The following ATRX variants were observed in gnomAD, a reference collection of about 807,000 sequenced individuals.
ATRX encodes the protein chromatin remodeler ATRX.
A neutral mutation model predicts 172.6 loss-of-function variants in ATRX; 12 were observed. That is an observed-to-expected ratio of 0.07 (90% confidence interval 0.04 to 0.11). The LOEUF (loss-of-function observed/expected upper bound fraction) is 0.11, where lower values mean the gene tolerates loss of function less well. ATRX is among the 10% of genes least tolerant of loss of function. ATRX has a pLI of 1.00. For missense variants in ATRX, 1,368 were observed against 1,767.4 expected, an observed-to-expected ratio of 0.77 and a Z score of 4.05; for synonymous variants, 674 against 594.7, an observed-to-expected ratio of 1.13 and a Z score of -1.94.
chrX:77,584,541 A>T (rs1323326444), intron 27 of ATRX, among the ~76,000 whole-genome samples: 1 of 111,645 alleles, frequency 9.0e-6, no homozygotes, highest in Non-Finnish European at 1.9e-5. Flanking sequence ...AGTTGCCATG[A>T]ATATACCCTG....
intron 30 of ATRX, among the ~76,000 whole-genome samples, chrX:77,536,739 A>AT (rs1401271344): frequency 1.8e-5 from 2 of 112,196 alleles, no homozygotes; most frequent in Non-Finnish European, 3.8e-5. Context: ...GTAAACACCA[A>AT]TATAATCTCT....
intron 19 of ATRX, among the ~76,000 whole-genome samples, chrX:77,631,687 C>T (rs782813733): frequency 1.7e-4 from 19 of 112,000 alleles, no homozygotes; most frequent in Admixed American, 7.6e-4. Flanking sequence ...TCTACCTGGA[C>T]GGTCCTCCTT....
chrX:77,658,420 C>T (rs1315600609), intron 12 of ATRX, among the ~76,000 whole-genome samples: 1 of 111,979 alleles, frequency 8.9e-6, no homozygotes, highest in Non-Finnish European at 1.9e-5. Flanking sequence ...GAGGAATTGT[C>T]ACAGGCTGAA....
intron 30 of ATRX, among the ~76,000 whole-genome samples, chrX:77,550,459 C>A (rs782436364): frequency 2.7e-5 from 3 of 111,299 alleles, no homozygotes; most frequent in East Asian, 2.8e-4. Context: ...ATTGATGGGA[C>A]GTATCTCAAA....
chrX:77,593,707 A>G lies in ATRX; in HGVS notation c.6099T>C (p.Ile2033=). Residue 2033 remains isoleucine, a synonymous_variant, in exon 26 of 35, where the codon ATT becomes ATC. Coordinates refer to ENST00000373344, the MANE Select transcript of ATRX (RefSeq NM_000489.6). The part of the protein sequence containing the change: ...LFEILRMAEE[I]GDKVLVFSQS... ...GGTAAAGCACTTACACTTTATCCCC[A>G]ATTTCCTCTGCCATTCGAAGAATTT... 8.3e-7 allele frequency: 1 copy of G among 1,210,710 alleles called. No homozygotes were observed. Among genetic ancestry groups the G allele is most frequent in the Admixed American group, 2.2e-5 (1 of 46,012 alleles).
chrX:77,646,762 C>T (rs2068938261), intron 15 of ATRX, among the ~76,000 whole-genome samples: 2 of 109,188 alleles, frequency 1.8e-5, no homozygotes, highest in Admixed American at 2.0e-4. Context: ...CTCTGTAAAA[C>T]AGTTTAAAAA....
intron 1 of ATRX, among the ~76,000 whole-genome samples, chrX:77,725,243 A>C (rs1481245031): frequency 1.8e-5 from 2 of 112,111 alleles, no homozygotes; most frequent in Non-Finnish European, 3.8e-5. Flanking sequence ...TACAGTAACC[A>C]AAACAGCATG....
chrX:77,528,299 G>A (rs1468482449), intron 30 of ATRX, among the ~76,000 whole-genome samples: 2 of 112,023 alleles, frequency 1.8e-5, no homozygotes, highest in Admixed American at 9.4e-5. Context: ...CTGTGCTTCC[G>A]TTAAATCAGC....
At chrX:77,589,439 C>T (rs782504074) in intron 27 of ATRX, among the ~76,000 whole-genome samples, 101 of 111,667 alleles carry the variant, frequency 9.0e-4, no homozygotes, top group Non-Finnish European at 1.6e-3. Flanking sequence ...AATAAAACTG[C>T]TTTAGAAACC....
Position 77,506,669 on chromosome X carries a change from G to A in ATRX, c.*1682C>T, listed in dbSNP as rs1557033215. On this transcript the variant is annotated 3_prime_UTR_variant, in exon 35 of 35. Transcript: ENST00000373344. ...GCTAGCATAATATCTAAATATACAGGATTTATTAGTGATATTTCATCATGG... is the reference window on the plus strand; with the variant it reads ...GCTAGCATAATATCTAAATATACAGAATTTATTAGTGATATTTCATCATGG... 1.7e-5 allele frequency: 3 copies of A among 172,890 alleles called. No homozygotes were observed. The highest frequency in any genetic ancestry group is 3.0e-5 in the African/African-American group (1 of 33,599). 14.2% of individuals were successfully genotyped at this position (172,890 alleles called of 1,213,427 possible). A position where few individuals can be genotyped will look rare whatever the true frequency, so the allele number is the denominator to read the frequency against.
chrX:77,516,043 A>G (rs1557038958), intron 34 of ATRX, among the ~76,000 whole-genome samples: 1 of 111,529 alleles, frequency 9.0e-6, no homozygotes, highest in Non-Finnish European at 1.9e-5. Context: ...ATGAACACAT[A>G]GAGGGCAATA....
intron 30 of ATRX, among the ~76,000 whole-genome samples, chrX:77,535,899 GT>G (rs76403382): frequency 2.1e-3 from 200 of 95,654 alleles, no homozygotes; most frequent in African/African-American, 4.6e-3. Flanking sequence ...ATTTTTTTGT[GT>G]TTTTTTTTTT....
chrX:77,656,404 T>C (rs1038937389), intron 13 of ATRX, among the ~76,000 whole-genome samples, 156 bp downstream of exon 13: 2 of 112,115 alleles, frequency 1.8e-5, no homozygotes, highest in Non-Finnish European at 3.8e-5. Flanking sequence ...TATGCTTAGA[T>C]TCTTTTTAAA....
chrX:77,590,086 T>C lies in ATRX; in HGVS notation c.6111-146A>G, dbSNP rs45503998. The stretch of plus-strand genomic sequence containing the variant: ...GAAATTACAAGGTGATTGTAAAATG[T>C]ATATGAGAATGCCACCTCAGAGGAG... On this transcript the variant is annotated intron_variant, in intron 26 of 34. Coordinates refer to ENST00000373344, the MANE Select transcript of ATRX (RefSeq NM_000489.6). 5.1e-3 allele frequency: 2,625 copies of C among 510,109 alleles called. 50 individuals carry two copies. The African/African-American group carries it at 0.056, about 11-fold the overall frequency. 42.0% of individuals were successfully genotyped at this position (510,109 alleles called of 1,213,427 possible).
At chrX:77,560,581 TTTC>T (rs1382055943) in intron 28 of ATRX, among the ~76,000 whole-genome samples, 1 of 111,391 alleles carries the variant, frequency 9.0e-6, no homozygotes, top group African/African-American at 3.3e-5. Context: ...ACAAAATGTT[TTTC>T]TTTTCTTTCA....
At chrX:77,583,914 C>T (rs2065918223) in intron 27 of ATRX, among the ~76,000 whole-genome samples, 1 of 111,958 alleles carries the variant, frequency 8.9e-6, no homozygotes, top group African/African-American at 3.2e-5. Flanking sequence ...CACCAGAAAA[C>T]TATTAGAAAT....
rs112615272 is a variant in ATRX at position 77,574,104 on chromosome X, T to G, written c.6326+146A>C. ...ATGATTCCATAAGTGAATTCAGTGG[T>G]TAGGGAGTGATGACACTGTTTTGCA... On this transcript the variant is annotated intron_variant, in intron 28 of 34. Coordinates refer to ENST00000373344, the MANE Select transcript of ATRX (RefSeq NM_000489.6). 3.5e-4 allele frequency: 150 copies of G among 428,871 alleles called. 1 individual carries two copies. Among genetic ancestry groups the G allele is most frequent in the South Asian group, 3.4e-3 (85 of 24,839 alleles). The allele number at this position is 428,871 out of a possible 1,213,427, so 35.3% of individuals were successfully genotyped here.
At position 77,520,883 on chromosome X, in the gene ATRX, C is replaced by T; in HGVS notation, c.7105G>A (p.Val2369Ile). ...TGTCTACTTAATGCTAACGCCTGTA[C>T]TTGGGCCTCTGAGAGATTCATGTTC... Reference protein sequence around the residue: ...KENMNLSEAQVQALALSRQAS... With the variant: ...KENMNLSEAQIQALALSRQAS... Residue 2369 changes from valine to isoleucine, a missense_variant, in exon 34 of 35, where the codon GTA (valine) becomes ATA (isoleucine). Physicochemically the swap from Val to Ile is conservative, Grantham distance 29. Transcript: ENST00000373344. 8.3e-7 allele frequency: 1 copy of T among 1,209,757 alleles called. No individual in the cohort carries two copies. The highest frequency in any genetic ancestry group is 1.1e-6 in the Non-Finnish European group (1 of 893,758).
chrX:77,547,603 A>G (rs1218199925), intron 30 of ATRX, among the ~76,000 whole-genome samples: 1 of 112,035 alleles, frequency 8.9e-6, no homozygotes, highest in African/African-American at 3.2e-5. Context: ...TTACTACAGA[A>G]GCATCAGCTG....
Sources: gnomAD v4.1 joint callset for allele counts (sites outside exome capture counted in the v4.1 genomes callset) on GRCh38, gnomAD v4.1.1 for gene constraint, MANE v1.5 for transcripts, NCBI Gene and HGNC (gene_info 2026-07-23, HGNC 2026-07-21) for gene names.